PARP16: variants seen among roughly 807,000 people sequenced by gnomAD.
The protein encoded by PARP16 is poly(ADP-ribose) polymerase family member 16, also known as protein mono-ADP-ribosyltransferase PARP16.
A neutral mutation model predicts 35.0 loss-of-function variants in PARP16; 31 were observed. The observed-to-expected ratio is 0.88, with a 90% confidence interval of 0.66 to 1.19. The LOEUF (loss-of-function observed/expected upper bound fraction) is 1.19. Ranked by LOEUF, PARP16 falls within the 50% of genes most tolerant of loss-of-function variation. PARP16 has a pLI of 0.00. For synonymous variants in PARP16, 162 were observed against 169.5 expected (o/e 0.96, Z 0.34); for missense variants, 424 against 411.2 (o/e 1.03, Z -0.27).
downstream of PARP16, among the ~76,000 whole-genome samples, chr15:65,256,460 T>A (rs950322771): frequency 1.4e-5 from 2 of 141,316 alleles, no homozygotes; most frequent in Non-Finnish European, 1.5e-5. Flanking sequence ...CAGGCTGGAG[T>A]GCAGTCGCAC....
At chr15:65,253,378 T>C (rs2089411788), downstream of PARP16, among the ~76,000 whole-genome samples, 1 of 151,474 alleles carries the variant, frequency 6.6e-6, no homozygotes. Flanking sequence ...TCGCCCAGGC[T>C]GGAGTGCAGT....
chr15:65,233,987 A>G (rs1306076308), downstream of PARP16, among the ~76,000 whole-genome samples: 2 of 152,182 alleles, frequency 1.3e-5, no homozygotes, highest in Non-Finnish European at 2.9e-5. Flanking sequence ...TTAGTACCAT[A>G]AAATATCTTA....
intron 3 of PARP16, among the ~76,000 whole-genome samples, chr15:65,245,077 G>C (rs1045942567): frequency 1.3e-5 from 2 of 152,186 alleles, no homozygotes; most frequent in African/African-American, 4.8e-5. Context: ...GGATGGCCTG[G>C]GGGAGTGGGG....
chr15:65,252,196 G>A (rs940198477), intron 2 of PARP16, among the ~76,000 whole-genome samples: 1 of 152,168 alleles, frequency 6.6e-6, no homozygotes, highest in Non-Finnish European at 1.5e-5. Flanking sequence ...CAAGACCAAT[G>A]AGAGTGGGAA....
chr15:65,267,490 C>T (rs1219477987), intron 2 of PARP16, among the ~76,000 whole-genome samples: 3 of 150,706 alleles, frequency 2.0e-5, no homozygotes, highest in African/African-American at 7.3e-5. Flanking sequence ...GCCTGTAGTC[C>T]CAGCTACTCG....
intron 2 of PARP16, among the ~76,000 whole-genome samples, chr15:65,252,651 C>G (rs2089390432): frequency 6.6e-6 from 1 of 152,194 alleles, no homozygotes; most frequent in Admixed American, 6.5e-5. Context: ...GCGGCCCCAC[C>G]CCTTGACATG....
chr15:65,274,030 G>A (rs533791998), intron 1 of PARP16, among the ~76,000 whole-genome samples: 81 of 152,086 alleles, frequency 5.3e-4, no homozygotes, highest in Admixed American at 1.3e-3. Context: ...ACAGCTCACT[G>A]CAGGATCCAT....
At chr15:65,247,698 C>T (rs1376000318) in intron 3 of PARP16, among the ~76,000 whole-genome samples, 1 of 151,980 alleles carries the variant, frequency 6.6e-6, no homozygotes, top group Non-Finnish European at 1.5e-5. Flanking sequence ...TGAGTTCTAC[C>T]CTCTAGGAAA....
intron 5 of PARP16, among the ~76,000 whole-genome samples, 163 bp from the exon 6 acceptor site, chr15:65,259,705 T>C (rs556723667): frequency 1.3e-5 from 2 of 152,372 alleles, no homozygotes; most frequent in South Asian, 2.1e-4. Flanking sequence ...AACCTGGGGC[T>C]GTTTGCCCAG....
chr15:65,254,855 A>G (rs1181757202), downstream of PARP16, among the ~76,000 whole-genome samples: 1 of 152,180 alleles, frequency 6.6e-6, no homozygotes, highest in Non-Finnish European at 1.5e-5. Flanking sequence ...CAGAAATGAC[A>G]CAGAACAACT....
intron 3 of PARP16, among the ~76,000 whole-genome samples, chr15:65,237,683 G>A (rs1329246488): frequency 2.0e-5 from 3 of 152,184 alleles, no homozygotes; most frequent in Admixed American, 2.0e-4. Context: ...TCCAGAGGGA[G>A]TACAGCCCTG....
intron 3 of PARP16, 115 bp from the exon 4 acceptor site, chr15:65,263,435 C>A: frequency 2.6e-6 from 2 of 766,848 alleles, no homozygotes; most frequent in South Asian, 3.7e-5. Flanking sequence ...ACAACCCCCG[C>A]TTTTTGCCCC....
At chr15:65,254,785 C>G (rs566075624), downstream of PARP16, among the ~76,000 whole-genome samples, 4 of 152,306 alleles carry the variant, frequency 2.6e-5, no homozygotes, top group Admixed American at 2.0e-4. Flanking sequence ...GTTTAAATCA[C>G]AAACTCTCCA....
At chr15:65,283,283 T>TA (rs1369697080) in intron 1 of PARP16, among the ~76,000 whole-genome samples, 8 of 151,568 alleles carry the variant, frequency 5.3e-5, no homozygotes, top group East Asian at 3.9e-4. Flanking sequence ...TTTTTTTTTT[T>TA]AAAAAAAGCT....
intron 1 of PARP16, 50 bp from the exon 2 acceptor site, chr15:65,271,122 A>C (rs758626616): frequency 1.2e-6 from 2 of 1,601,208 alleles, no homozygotes; most frequent in Admixed American, 1.7e-5. Context: ...ACACAGTGAT[A>C]ATCAGGGGCC....
chr15:65,251,414 G>A (rs1429349241), intron 2 of PARP16, among the ~76,000 whole-genome samples: 3 of 152,176 alleles, frequency 2.0e-5, no homozygotes, highest in African/African-American at 7.2e-5. Flanking sequence ...AAATAAAAAG[G>A]AATGTATTTA....
chr15:65,248,221 C>G, exon 3 of PARP16: 1 of 456,460 alleles, frequency 2.2e-6, no homozygotes, highest in Non-Finnish European at 4.4e-6. Context: ...TCTTCAGATT[C>G]CCAGTGCCTA....
At chr15:65,264,809 A>C (rs1315418444) in intron 3 of PARP16, among the ~76,000 whole-genome samples, 2 of 152,212 alleles carry the variant, frequency 1.3e-5, no homozygotes, top group African/African-American at 4.8e-5. Context: ...GGACTCCCTC[A>C]AGCAAGCCCT....
chr15:65,274,492 A>G (rs1271441446), intron 1 of PARP16, among the ~76,000 whole-genome samples: 2 of 151,772 alleles, frequency 1.3e-5, no homozygotes, highest in Admixed American at 6.6e-5. Flanking sequence ...GAGGATCGCT[A>G]GAGCCTGGGA....
Sources: gnomAD v4.1 joint callset for allele counts (sites outside exome capture counted in the v4.1 genomes callset) on GRCh38, gnomAD v4.1.1 for gene constraint, MANE v1.5 for transcripts, NCBI Gene and HGNC (gene_info 2026-07-23, HGNC 2026-07-21) for gene names.